The following PACS1 variants were observed in gnomAD, a reference collection of about 807,000 sequenced individuals.
The protein encoded by PACS1 is PACS-1.
PACS1 carries 24 observed loss-of-function variants against 115.0 expected under a neutral mutation model. The observed-to-expected ratio is 0.21, with a 90% CI of 0.15 to 0.29. PACS1 has a LOEUF of 0.29. PACS1 is among the 10% of genes least tolerant of loss of function. The probability of loss-of-function intolerance (pLI) is 1.00; values close to 1 mark genes in which losing one functional copy is unlikely to be tolerated. For synonymous variants in PACS1, 453 were observed against 504.5 expected (o/e 0.90, Z 1.37); for missense variants, 838 against 1,251.2 (o/e 0.67, Z 4.98).
chr11:66,134,261 T>C (rs533199192), intron 1 of PACS1, among the ~76,000 whole-genome samples: 18 of 115,580 alleles, frequency 1.6e-4, no homozygotes, highest in African/African-American at 4.6e-4. Flanking sequence ...TTTCTTTTTT[T>C]TTTTTTTTTT....
intron 1 of PACS1, among the ~76,000 whole-genome samples, chr11:66,166,231 T>C (rs1488135431): frequency 6.6e-6 from 1 of 152,180 alleles, no homozygotes; most frequent in Non-Finnish European, 1.5e-5. Flanking sequence ...CACTGCAACC[T>C]CTGCCTCCCG....
intron 1 of PACS1, among the ~76,000 whole-genome samples, chr11:66,168,923 C>T (rs1272548941): frequency 6.6e-6 from 1 of 150,450 alleles, no homozygotes; most frequent in Non-Finnish European, 1.5e-5. Context: ...TTCTGGATTT[C>T]CCAAATGGGC....
At position 66,070,608 on chromosome 11, in the gene PACS1, C is replaced by A. The variant is rs1186301528; in HGVS notation, c.122C>A (p.Pro41Gln). 10 of 1,525,634 alleles carry A rather than the reference C, an allele frequency of 6.6e-6. No homozygotes were observed. Among genetic ancestry groups the A allele is most frequent in the Middle Eastern group, 1.9e-4 (1 of 5,134 alleles). 94.5% of individuals were successfully genotyped at this position (1,525,634 alleles called of 1,614,324 possible). ...CCGCCGCAGCAGCAGCAGCAGCAGC[C>A]GCCGCAGCAGCCGACGCCCCCCAAG... Reference protein sequence around the residue: ...QPPPQQQQQQPPQQPTPPKLA... With the variant: ...QPPPQQQQQQQPQQPTPPKLA... Residue 41 changes from proline (P) to glutamine (Q), a missense_variant, in exon 1 of 24, where the codon CCG (proline) becomes CAG (glutamine). Physicochemically the swap from Pro to Gln is moderately conservative, Grantham distance 76 (BLOSUM62 -1). Around this residue, in one of 6 missense-constraint regions of PACS1, gnomAD observed 129 missense variants for 109.4 expected, o/e 1.18. Coordinates refer to ENST00000320580, the MANE Select transcript of PACS1 (RefSeq NM_018026.4). This position sits in a 1 kb window ranked among gnomAD's most constrained non-coding sequence, Gnocchi z 5.9.
In PACS1 at chr11:66,225,941, G is replaced by A. The variant is rs191602844; in HGVS notation, c.1294-1563G>A. On this transcript the variant is annotated intron_variant, in intron 10 of 23. Transcript: ENST00000320580. ...CCCAGCACTTTGGGAGGCTGAGGCA[G>A]GTGGATCACTTGAGGTCAGGAGTTC... Among the ~76,000 whole-genome samples the A allele has an allele frequency of 1.1e-4, 17 of 152,294 alleles. No individual in the cohort carries two copies. In the East Asian group the frequency reaches 3.3e-3, roughly 29 times the overall value.
rs1037335195 is a variant in PACS1, at chr11:66,087,660, A to G, written c.356+16818A>G. Among the ~76,000 whole-genome samples, 3 of 152,190 alleles carry G rather than the reference A, an allele frequency of 2.0e-5. 1 individual carries two copies. Among genetic ancestry groups the G allele is most frequent in the African/African-American group, 7.2e-5 (3 of 41,450 alleles). On this transcript the variant is annotated intron_variant, in intron 1 of 23. Coordinates refer to ENST00000320580, the MANE Select transcript of PACS1 (RefSeq NM_018026.4). The stretch of plus-strand genomic sequence containing the variant: ...GTACTGTATTCCATGGTGTGAGTAT[A>G]TCGTAGTTTGTGTACAGTCCGCTGT...
At position 66,243,167 on chromosome 11, in the gene PACS1, T is replaced by G. The variant is rs1202282696; in HGVS notation, c.2779T>G (p.Ser927Ala). Residue 927 changes from serine (S) to alanine (A), a missense_variant and splice_region_variant, in exon 24 of 24, where the codon TCC becomes GCC. Ser to Ala is a moderately conservative substitution (Grantham distance 99). Coordinates refer to ENST00000320580, the MANE Select transcript of PACS1 (RefSeq NM_018026.4). ...CCCTCCTCTCCTGTCACCCCTAGTG[T>G]CCATCGATGGGGTCGAGTGGAGTGA... ...AKQQQTMLRV[S>A]IDGVEWSDIK... 2 of 1,613,122 alleles carry G rather than the reference T, an allele frequency of 1.2e-6. No homozygotes were observed. The highest frequency in any genetic ancestry group is 1.7e-6 in the Non-Finnish European group (2 of 1,179,418).
At chr11:66,206,480 C>T (rs572083932) in intron 2 of PACS1, among the ~76,000 whole-genome samples, 1 of 152,078 alleles carries the variant, frequency 6.6e-6, no homozygotes, top group East Asian at 1.9e-4. Context: ...GCTGCGATCC[C>T]GTGACACACT....
Position 66,243,371 on chromosome 11 carries a change from C to A in PACS1, c.*91C>A. The A allele has an allele frequency of 1.2e-6, 1 of 837,780 alleles. No individual in the cohort carries two copies. The highest frequency in any genetic ancestry group is 1.9e-6 in the Non-Finnish European group (1 of 525,118). The allele number at this position is 837,780 out of a possible 1,614,324, so 51.9% of individuals were successfully genotyped here. A position where few individuals can be genotyped will look rare whatever the true frequency, so the allele number is the denominator to read the frequency against. On this transcript the variant is annotated 3_prime_UTR_variant, in exon 24 of 24. Coordinates refer to ENST00000320580, the MANE Select transcript of PACS1 (RefSeq NM_018026.4). ...GAGGCCAGCAGGCCCGGGCCCAGCA[C>A]CCCTTCCCTGGCACCAGGGTCTGCC...
At chr11:66,123,614 C>T (rs964370736) in intron 1 of PACS1, among the ~76,000 whole-genome samples, 6 of 151,178 alleles carry the variant, frequency 4.0e-5, no homozygotes, top group East Asian at 2.0e-4. Flanking sequence ...CTCCACCTAC[C>T]GGGTTCATGC....
At chr11:66,189,599 C>G (rs1854470695) in intron 1 of PACS1, among the ~76,000 whole-genome samples, 2 of 152,206 alleles carry the variant, frequency 1.3e-5, no homozygotes, top group Non-Finnish European at 2.9e-5. Context: ...ACAACTGGTT[C>G]AGTACCAGGC....
chr11:66,137,262 TTG>T (rs369885391), intron 1 of PACS1, among the ~76,000 whole-genome samples: 48 of 150,382 alleles, frequency 3.2e-4, no homozygotes, highest in African/African-American at 7.1e-4. Flanking sequence ...GTGTTTGTGT[TTG>T]TGTGTGTGTG....
chr11:66,143,417 C>T (rs1047357548), intron 1 of PACS1, among the ~76,000 whole-genome samples: 2 of 152,136 alleles, frequency 1.3e-5, no homozygotes, highest in Non-Finnish European at 2.9e-5. Flanking sequence ...AGCAAAGGCT[C>T]ATTTGTCTGC....
intron 1 of PACS1, among the ~76,000 whole-genome samples, chr11:66,081,542 C>T (rs1450567195): frequency 1.3e-5 from 2 of 152,208 alleles, no homozygotes; most frequent in Middle Eastern, 3.2e-3. Context: ...ACCTGAGGCA[C>T]AGATCCTGCC....
At chr11:66,217,569 C>A (rs778839645) in intron 7 of PACS1, 53 of 456,092 alleles carry the variant, frequency 1.2e-4, no homozygotes, top group Non-Finnish European at 2.2e-4. Context: ...AGGGATGAAA[C>A]GGAGGCCAGA....
chr11:66,115,408 T>C (rs1241603564), intron 1 of PACS1, among the ~76,000 whole-genome samples: 1 of 152,220 alleles, frequency 6.6e-6, no homozygotes, highest in Non-Finnish European at 1.5e-5. Context: ...TACCAGCCTC[T>C]ACTGGTGACC....
chr11:66,086,707 C>G (rs1031879769), intron 1 of PACS1, among the ~76,000 whole-genome samples: 1 of 152,114 alleles, frequency 6.6e-6, no homozygotes, highest in African/African-American at 2.4e-5. Flanking sequence ...CCTCCGCCTC[C>G]CAGGCTCAAG....
chr11:66,084,523 G>A (rs1028916711), intron 1 of PACS1, among the ~76,000 whole-genome samples: 3 of 151,872 alleles, frequency 2.0e-5, no homozygotes, highest in African/African-American at 7.3e-5. Context: ...CAGGGAGTCC[G>A]GTCAGGGGGC....
intron 2 of PACS1, among the ~76,000 whole-genome samples, chr11:66,208,673 AGAAGAAG>A (rs1855000563): frequency 2.2e-5 from 3 of 134,906 alleles, no homozygotes; most frequent in Non-Finnish European, 1.6e-5. Flanking sequence ...AAAAAAAAAA[AGAAGAAG>A]AAAAAGAAAG....
chr11:66,228,512 T>C (rs541552450), intron 11 of PACS1, among the ~76,000 whole-genome samples: 12 of 152,328 alleles, frequency 7.9e-5, no homozygotes, highest in African/African-American at 2.6e-4. Context: ...CCCACTGTAG[T>C]CCGTACTGCA....
Sources: gnomAD v4.1 joint callset for allele counts (sites outside exome capture counted in the v4.1 genomes callset) on GRCh38, gnomAD v4.1.1 for gene constraint, gnomAD v4.1.1 regional missense constraint, Gnocchi (gnomAD v3.1) non-coding constraint, MANE v1.5 for transcripts, NCBI Gene and HGNC (gene_info 2026-07-23, HGNC 2026-07-21) for gene names.